CCDC178: variants seen among roughly 807,000 people sequenced by gnomAD.
The protein encoded by CCDC178 is coiled-coil domain containing 178.
Under a neutral mutation model 117.4 loss-of-function variants are expected in CCDC178, and 126 were observed. The observed-to-expected ratio is 1.07, with a 90% confidence interval of 0.93 to 1.24. The LOEUF (loss-of-function observed/expected upper bound fraction) is 1.24. Among genes scored for constraint, CCDC178 ranks in the 50% most tolerant of loss-of-function variants. The pLI is 0.00. For missense variants in CCDC178, 1,030 were observed against 986.9 expected (o/e 1.04, Z -0.59); for synonymous variants, 283 against 313.4 (o/e 0.90, Z 1.02).
intron 21 of CCDC178, among the ~76,000 whole-genome samples, chr18:32,996,173 A>G (rs1352122849): frequency 2.0e-5 from 3 of 151,948 alleles, no homozygotes. Flanking sequence ...ACACAATATT[A>G]GAAATATAAA....
At chr18:33,303,894 G>A (rs906331915) in intron 11 of CCDC178, among the ~76,000 whole-genome samples, 8 of 152,100 alleles carry the variant, frequency 5.3e-5, no homozygotes, top group African/African-American at 1.9e-4. Flanking sequence ...GAGTAAATGA[G>A]AGAGGGAGGA....
chr18:33,408,428 T>G (rs1042770418), intron 3 of CCDC178, among the ~76,000 whole-genome samples: 5 of 151,916 alleles, frequency 3.3e-5, no homozygotes, highest in Non-Finnish European at 5.9e-5. Context: ...CTTACTATTT[T>G]CAAATGATTT....
At chr18:33,309,190 A>C (rs1486795387) in intron 11 of CCDC178, among the ~76,000 whole-genome samples, 2 of 1,454 alleles carry the variant, frequency 1.4e-3, no homozygotes, top group Non-Finnish European at 5.5e-3. Flanking sequence ...TTTTTTGACA[A>C]AAAAAAAAAA....
chr18:32,954,292 T>C (rs2054549159), intron 22 of CCDC178, among the ~76,000 whole-genome samples: 2 of 152,178 alleles, frequency 1.3e-5, no homozygotes, highest in Admixed American at 6.5e-5. Flanking sequence ...CTCTAAGCAC[T>C]CCACAGGGTA....
At chr18:33,354,681 G>A (rs2063029257) in intron 7 of CCDC178, among the ~76,000 whole-genome samples, 1 of 151,000 alleles carries the variant, frequency 6.6e-6, no homozygotes, top group Admixed American at 6.6e-5. Context: ...CACGATCTTG[G>A]CTCACTGCAA....
intron 2 of CCDC178, among the ~76,000 whole-genome samples, chr18:33,436,901 A>T (rs1337027448): frequency 6.6e-6 from 1 of 152,224 alleles, no homozygotes; most frequent in Non-Finnish European, 1.5e-5. Context: ...GGCTAAGAGC[A>T]TCTGCGTGAC....
At chr18:33,071,219 A>G (rs2057103506) in intron 21 of CCDC178, among the ~76,000 whole-genome samples, 1 of 152,136 alleles carries the variant, frequency 6.6e-6, no homozygotes, top group African/African-American at 2.4e-5. Flanking sequence ...AGGTGGACGC[A>G]TAGAGGAATG....
At chr18:33,429,755 A>T (rs1216101175) in intron 2 of CCDC178, among the ~76,000 whole-genome samples, 1 of 152,196 alleles carries the variant, frequency 6.6e-6, no homozygotes, top group Non-Finnish European at 1.5e-5. Flanking sequence ...GTTGTAAATC[A>T]CTTATCTTCA....
chr18:33,063,552 C>G (rs114710834), intron 21 of CCDC178, among the ~76,000 whole-genome samples: 217 of 152,298 alleles, frequency 1.4e-3, no homozygotes, highest in African/African-American at 5.0e-3. Context: ...ATCGCCATCA[C>G]TGCTGGTGCC....
At chr18:32,958,272 G>T in intron 22 of CCDC178, 1 of 447,932 alleles carries the variant, frequency 2.2e-6, no homozygotes, top group Admixed American at 4.0e-5. Context: ...TTGAGTTTGT[G>T]GCAAAAAATG....
At chr18:33,058,872 T>A (rs1398482010) in intron 21 of CCDC178, among the ~76,000 whole-genome samples, 2 of 152,160 alleles carry the variant, frequency 1.3e-5, no homozygotes, top group African/African-American at 4.8e-5. Context: ...TAGTAATAAT[T>A]TATATCTCAC....
chr18:33,283,394 T>C (rs1256633741), intron 12 of CCDC178, among the ~76,000 whole-genome samples: 2 of 152,130 alleles, frequency 1.3e-5, no homozygotes, highest in Non-Finnish European at 2.9e-5. Context: ...CAAAAGCAAT[T>C]GCCACAAAAC....
intron 9 of CCDC178, among the ~76,000 whole-genome samples, chr18:33,337,814 T>C (rs543306816): frequency 6.6e-6 from 1 of 152,182 alleles, no homozygotes; most frequent in African/African-American, 2.4e-5. Flanking sequence ...TTCTAGAAGA[T>C]AACACTAGAA....
chr18:33,287,682 T>C (rs1019409512), intron 12 of CCDC178, among the ~76,000 whole-genome samples: 1 of 151,990 alleles, frequency 6.6e-6, no homozygotes, highest in Non-Finnish European at 1.5e-5. Flanking sequence ...CAGGAGGCTG[T>C]GGCAGGAGAA....
chr18:33,364,962 G>A (rs1023504444), intron 6 of CCDC178, among the ~76,000 whole-genome samples: 4 of 151,902 alleles, frequency 2.6e-5, no homozygotes, highest in African/African-American at 9.7e-5. Context: ...ACCAGGGGTG[G>A]GAGTGGGGAT....
chr18:33,238,183 C>T (rs1654584402), intron 15 of CCDC178, among the ~76,000 whole-genome samples: 1 of 152,116 alleles, frequency 6.6e-6, no homozygotes, highest in Non-Finnish European at 1.5e-5. Context: ...TCCATAAAAT[C>T]GGAAGAGCCA....
At chr18:32,944,416 A>G (rs1691098365) in intron 22 of CCDC178, among the ~76,000 whole-genome samples, 1 of 152,198 alleles carries the variant, frequency 6.6e-6, no homozygotes, top group Non-Finnish European at 1.5e-5. Flanking sequence ...ACTGCACACC[A>G]AGATTATCTG....
At chr18:33,166,841 TG>T (rs1198264066) in intron 20 of CCDC178, among the ~76,000 whole-genome samples, 6 of 152,274 alleles carry the variant, frequency 3.9e-5, no homozygotes, top group African/African-American at 1.4e-4. Flanking sequence ...GTAAATTACT[TG>T]TCTCAGGGAT....
intron 20 of CCDC178, among the ~76,000 whole-genome samples, chr18:33,205,887 G>A (rs960139403): frequency 6.6e-6 from 1 of 152,054 alleles, no homozygotes; most frequent in African/African-American, 2.4e-5. Context: ...TAGTGACAGG[G>A]TTTCACTATG....
Sources: gnomAD v4.1 joint callset for allele counts (sites outside exome capture counted in the v4.1 genomes callset) on GRCh38, gnomAD v4.1.1 for gene constraint, MANE v1.5 for transcripts, NCBI Gene and HGNC (gene_info 2026-07-23, HGNC 2026-07-21) for gene names.